Variants in CADM2 observed in about 807,000 individuals in gnomAD.
The protein encoded by CADM2 is immunoglobulin superfamily member 4D.
A neutral mutation model predicts 49.8 loss-of-function variants in CADM2; 12 were observed. That is an observed-to-expected ratio of 0.24 (90% confidence interval 0.15 to 0.39). CADM2 has a LOEUF of 0.39. Ranked by LOEUF, CADM2 falls within the 10% of genes least tolerant of loss-of-function variation. CADM2 has a pLI of 1.00. For missense variants in CADM2, 378 were observed against 492.3 expected (o/e 0.77, Z 2.20); for synonymous variants, 214 against 175.4 (o/e 1.22, Z -1.74).
At chr3:85,633,184 A>T (rs1031662482) in intron 1 of CADM2, among the ~76,000 whole-genome samples, 3 of 152,048 alleles carry the variant, frequency 2.0e-5, no homozygotes, top group Admixed American at 6.6e-5. Context: ...TTACTGAGTA[A>T]TATTTGTGGC....
intron 1 of CADM2, among the ~76,000 whole-genome samples, chr3:85,470,634 A>G (rs2038727375): frequency 6.6e-6 from 1 of 152,198 alleles, no homozygotes; most frequent in African/African-American, 2.4e-5. Context: ...ATTATATACA[A>G]TAAAAACATT....
chr3:85,540,862 G>T lies in CADM2; in HGVS notation c.62-185660G>T, dbSNP rs2061522121. On this transcript the variant is annotated intron_variant, in intron 1 of 9. Transcript: ENST00000383699. ...CTGAAGCCTCTCCCTAAGGCTTGCA[G>T]ATTCTTCCCACTGTGTCCTCACATG... Among the ~76,000 whole-genome samples the T allele has an allele frequency of 2.6e-5, 4 of 152,128 alleles. No individual in the cohort carries two copies. In the South Asian group the frequency reaches 8.3e-4, roughly 31 times the overall value.
intron 1 of CADM2, among the ~76,000 whole-genome samples, chr3:85,439,367 G>A (rs950187862): frequency 1.3e-5 from 2 of 151,658 alleles, no homozygotes; most frequent in African/African-American, 4.8e-5. Context: ...TGTCCAGGCT[G>A]GTCTCGGACT....
chr3:85,893,929 G>C (rs1217772696), intron 5 of CADM2, among the ~76,000 whole-genome samples: 1 of 152,220 alleles, frequency 6.6e-6, no homozygotes, highest in Non-Finnish European at 1.5e-5. Context: ...CGTTGTGGAA[G>C]TCAGTGTGGC....
chr3:84,971,533 A>G (rs941666823), intron 1 of CADM2, among the ~76,000 whole-genome samples: 24 of 152,144 alleles, frequency 1.6e-4, no homozygotes, highest in African/African-American at 5.8e-4. Flanking sequence ...TTACAATGCT[A>G]TAATAAAAGT....
intron 1 of CADM2, among the ~76,000 whole-genome samples, chr3:85,216,106 G>A (rs1330015293): frequency 6.6e-6 from 1 of 151,666 alleles, no homozygotes; most frequent in Non-Finnish European, 1.5e-5. Context: ...TCAATATGGT[G>A]TTCCTTCAGT....
chr3:85,670,839 C>T (rs957042288), intron 1 of CADM2, among the ~76,000 whole-genome samples: 1 of 151,996 alleles, frequency 6.6e-6, no homozygotes, highest in Non-Finnish European at 1.5e-5. Context: ...ACTGTGGTCA[C>T]CTCTGTCTGT....
chr3:85,451,639 A>G (rs2037752051), intron 1 of CADM2, among the ~76,000 whole-genome samples: 1 of 152,108 alleles, frequency 6.6e-6, no homozygotes, highest in Admixed American at 6.5e-5. Context: ...ACAGACATTC[A>G]CATCATAGGC....
At chr3:85,952,661 G>C (rs1041941706) in intron 7 of CADM2, among the ~76,000 whole-genome samples, 1 of 150,812 alleles carries the variant, frequency 6.6e-6, no homozygotes, top group Non-Finnish European at 1.5e-5. Flanking sequence ...CAGACTAGAG[G>C]CTGTAAAGAG....
At chr3:85,772,307 G>A (rs1273498211) in intron 2 of CADM2, among the ~76,000 whole-genome samples, 3 of 151,876 alleles carry the variant, frequency 2.0e-5, no homozygotes, top group Non-Finnish European at 4.4e-5. Flanking sequence ...GTTACGTTTA[G>A]CTTTGGAATT....
intron 1 of CADM2, among the ~76,000 whole-genome samples, chr3:85,224,536 TC>T (rs2042110607): frequency 6.6e-6 from 1 of 152,336 alleles, no homozygotes; most frequent in East Asian, 1.9e-4. Flanking sequence ...AAACATGTTC[TC>T]CCATTCTGTA....
intron 8 of CADM2, among the ~76,000 whole-genome samples, chr3:85,997,797 G>T (rs533634982): frequency 1.3e-5 from 2 of 152,150 alleles, no homozygotes; most frequent in Non-Finnish European, 2.9e-5. Flanking sequence ...AGCTGACTTT[G>T]CAGCAGGTTC....
At chr3:85,102,772 C>T (rs1015480329) in intron 1 of CADM2, among the ~76,000 whole-genome samples, 1 of 152,090 alleles carries the variant, frequency 6.6e-6, no homozygotes, top group African/African-American at 2.4e-5. Context: ...ATAAGATAAA[C>T]TATCGAGAAC....
intron 1 of CADM2, among the ~76,000 whole-genome samples, chr3:85,504,163 C>G (rs1012910467): frequency 1.3e-5 from 2 of 152,026 alleles, no homozygotes; most frequent in Non-Finnish European, 2.9e-5. Flanking sequence ...TTCGGAGTTT[C>G]TTCCTTCTGG....
intron 1 of CADM2, among the ~76,000 whole-genome samples, chr3:85,301,204 A>G (rs1559768072): frequency 6.6e-6 from 1 of 152,044 alleles, no homozygotes; most frequent in Non-Finnish European, 1.5e-5. Flanking sequence ...TCAGACTGGG[A>G]GCTGATGCAG....
chr3:85,949,963 G>A (rs745780953), intron 7 of CADM2, among the ~76,000 whole-genome samples: 34 of 151,016 alleles, frequency 2.3e-4, no homozygotes, highest in South Asian at 4.2e-4. Context: ...ATTTTATATA[G>A]TGTCACATTG....
At chr3:85,079,005 T>G (rs2107495036) in intron 1 of CADM2, among the ~76,000 whole-genome samples, 1 of 151,976 alleles carries the variant, frequency 6.6e-6, no homozygotes, top group African/African-American at 2.4e-5. Flanking sequence ...TGCAATACAT[T>G]TTTATTTAGT....
At chr3:85,172,712 A>G (rs2040660131) in intron 1 of CADM2, among the ~76,000 whole-genome samples, 1 of 151,852 alleles carries the variant, frequency 6.6e-6, no homozygotes. Flanking sequence ...GGGAGATTTA[A>G]GTGATGGTCT....
At chr3:85,407,162 A>G (rs1314108324) in intron 1 of CADM2, among the ~76,000 whole-genome samples, 4 of 152,178 alleles carry the variant, frequency 2.6e-5, no homozygotes, top group Non-Finnish European at 5.9e-5. Context: ...TGATCACGCC[A>G]CTGCACTCCA....
Sources: allele counts gnomAD v4.1 joint callset (sites outside exome capture counted in the v4.1 genomes callset), GRCh38; gene constraint gnomAD v4.1.1; transcripts MANE v1.5; gene names NCBI Gene and HGNC (gene_info 2026-07-23, HGNC 2026-07-21).